GALNTL5: variants seen among roughly 807,000 people sequenced by gnomAD.
GALNTL5 encodes polypeptide N-acetylgalactosaminyltransferase like 5.
A neutral mutation model predicts 51.0 loss-of-function variants in GALNTL5; 44 were observed. That is an observed-to-expected ratio of 0.86 (90% CI 0.68 to 1.11). The LOEUF (loss-of-function observed/expected upper bound fraction) is 1.11. Ranked by LOEUF, GALNTL5 falls within the 50% of genes least tolerant of loss-of-function variation. GALNTL5 has a pLI of 0.00. For missense variants in GALNTL5, 528 were observed against 531.8 expected (o/e 0.99, Z 0.07); for synonymous variants, 192 against 182.8 (o/e 1.05, Z -0.41).
At chr7:152,001,143 C>T (rs1375269584) in intron 5 of GALNTL5, among the ~76,000 whole-genome samples, 1 of 151,508 alleles carries the variant, frequency 6.6e-6, no homozygotes. Context: ...GAACTCCTGA[C>T]CTCAGGTGAT....
intron 5 of GALNTL5, among the ~76,000 whole-genome samples, chr7:152,001,777 A>G (rs917982294): frequency 1.3e-5 from 2 of 152,174 alleles, no homozygotes; most frequent in African/African-American, 4.8e-5. Context: ...TGGGATTGCA[A>G]TAGGGATTGC....
At chr7:151,956,931 A>T (rs913533909) in intron 1 of GALNTL5, among the ~76,000 whole-genome samples, 1 of 152,100 alleles carries the variant, frequency 6.6e-6, no homozygotes, top group Non-Finnish European at 1.5e-5. Flanking sequence ...AGGGAAATAA[A>T]GGCCCTTAGC....
At chr7:151,984,126 A>G (rs2081332176) in intron 4 of GALNTL5, 2 of 152,228 alleles carry the variant, frequency 1.3e-5, no homozygotes, top group African/African-American at 4.8e-5. Context: ...ATGAGGAGCT[A>G]TTAAGGGCTT....
rs1487911530 is a variant in GALNTL5 at position 151,956,912 on chromosome 7, GA to G, written c.-40+310del. ...TATACAGTGACTGTATTACTTATTT[GA>G]AAAAAATAGGGAAATAAAGGCCCTT... On this transcript the variant is annotated intron_variant, in intron 1 of 8. Transcript: ENST00000392800. Among the ~76,000 whole-genome samples the G allele has an allele frequency of 2.0e-5, 3 of 151,816 alleles. No homozygotes were observed. The South Asian group carries it at 6.2e-4, about 32-fold the overall frequency.
intron 5 of GALNTL5, among the ~76,000 whole-genome samples, chr7:151,996,924 T>C (rs912663191): frequency 3.9e-5 from 6 of 152,238 alleles, no homozygotes; most frequent in Admixed American, 3.9e-4. Context: ...ATGTGGACAC[T>C]AACCAAAGAA....
At chr7:151,995,306 A>G (rs537893525) in intron 5 of GALNTL5, 2 of 146,474 alleles carry the variant, frequency 1.4e-5, no homozygotes, top group African/African-American at 5.0e-5. Context: ...TGTTGCAATC[A>G]GATGGCTTGA....
intron 2 of GALNTL5, 50 bp downstream of exon 2, chr7:151,967,543 A>G (rs2151939123): frequency 6.6e-7 from 1 of 1,515,254 alleles, no homozygotes; most frequent in Non-Finnish European, 9.1e-7. Flanking sequence ...GAAAATGTAC[A>G]ACAATATTTA....
rs2081869506 is a variant in GALNTL5 at position 152,019,890 on chromosome 7, G to A, written c.*89G>A. 3.7e-6 allele frequency: 4 copies of A among 1,079,352 alleles called. No individual in the cohort carries two copies. Among genetic ancestry groups the A allele is most frequent in the Non-Finnish European group, 4.0e-6 (3 of 758,434 alleles). 66.9% of individuals were successfully genotyped at this position (1,079,352 alleles called of 1,614,324 possible). ...CACAAGAGTGTAAGTTTGGAACATC[G>A]TGGAATTACGTGAAATGCAATTAAA... On this transcript the variant is annotated 3_prime_UTR_variant, in exon 9 of 9. Transcript: ENST00000392800.
At chr7:152,005,698 A>G (rs1412686721) in intron 6 of GALNTL5, among the ~76,000 whole-genome samples, 1 of 152,112 alleles carries the variant, frequency 6.6e-6, no homozygotes, top group African/African-American at 2.4e-5. Context: ...ACCCAGGGGG[A>G]AAAAGCCTCC....
rs75886127 is a variant in GALNTL5, at chr7:152,005,808, C to T, written c.909-2019C>T. Among the ~76,000 whole-genome samples, 629 of 152,250 alleles carry T rather than the reference C, an allele frequency of 4.1e-3. 2 individuals are homozygous for T. The highest frequency in any genetic ancestry group is 0.014 in the African/African-American group (596 of 41,538). On this transcript the variant is annotated intron_variant, in intron 6 of 8. Coordinates refer to ENST00000392800, the MANE Select transcript of GALNTL5 (RefSeq NM_145292.4). ...AATAGAATTATTGTCAATAGAATTA[C>T]TTAGGACTCAATCTATAACATGATA...
intron 8 of GALNTL5, among the ~76,000 whole-genome samples, chr7:152,018,298 T>C (rs191912460): frequency 6.6e-6 from 1 of 152,270 alleles, no homozygotes; most frequent in Admixed American, 6.5e-5. Flanking sequence ...TGTCTCGTCA[T>C]CTGTGCTGCC....
intron 1 of GALNTL5, among the ~76,000 whole-genome samples, chr7:151,963,424 G>C (rs112923409): frequency 1.3e-5 from 2 of 152,314 alleles, no homozygotes; most frequent in African/African-American, 2.4e-5. Flanking sequence ...TTGAGACGGA[G>C]TCTCACTGTG....
At chr7:152,015,797 C>A (rs528815668) in intron 8 of GALNTL5, among the ~76,000 whole-genome samples, 1 of 152,186 alleles carries the variant, frequency 6.6e-6, no homozygotes, top group African/African-American at 2.4e-5. Flanking sequence ...AAAACTATAC[C>A]CTGTCATCTG....
intron 1 of GALNTL5, among the ~76,000 whole-genome samples, chr7:151,957,571 A>G (rs1288795821): frequency 4.0e-5 from 6 of 149,364 alleles, no homozygotes; most frequent in Admixed American, 2.7e-4. Context: ...GAAAAGAAAA[A>G]AAAAAAGAAA....
intron 3 of GALNTL5, among the ~76,000 whole-genome samples, chr7:151,971,999 A>G (rs2081150486): frequency 6.6e-6 from 1 of 152,202 alleles, no homozygotes; most frequent in Admixed American, 6.5e-5. Context: ...GTGAAAATGG[A>G]TTAATACAGA....
intron 6 of GALNTL5, 122 bp downstream of exon 6, chr7:152,003,085 T>C (rs549975797): frequency 7.8e-5 from 63 of 807,452 alleles, no homozygotes; most frequent in Admixed American, 1.8e-4. Context: ...GTTACTTGTT[T>C]CTAGAAGTCT....
At chr7:151,975,654 G>A (rs543625280) in intron 3 of GALNTL5, among the ~76,000 whole-genome samples, 2 of 151,834 alleles carry the variant, frequency 1.3e-5, no homozygotes, top group East Asian at 3.9e-4. Flanking sequence ...TATAACATTA[G>A]GTTGTGTGTT....
chr7:151,975,462 A>G (rs1355284732), intron 3 of GALNTL5, among the ~76,000 whole-genome samples: 1 of 151,720 alleles, frequency 6.6e-6, no homozygotes, highest in Non-Finnish European at 1.5e-5. Context: ...TTTTTTCTTA[A>G]TTAGTCTAGC....
At chr7:151,991,986 G>T (rs2081433845) in intron 5 of GALNTL5, among the ~76,000 whole-genome samples, 1 of 152,258 alleles carries the variant, frequency 6.6e-6, no homozygotes, top group Admixed American at 6.5e-5. Context: ...TATGTGCAAA[G>T]ATTTATTTCT....
Sources: gnomAD v4.1 joint callset for allele counts (sites outside exome capture counted in the v4.1 genomes callset) on GRCh38, gnomAD v4.1.1 for gene constraint, MANE v1.5 for transcripts, NCBI Gene and HGNC (gene_info 2026-07-23, HGNC 2026-07-21) for gene names.